The following ARID5B variants were observed in gnomAD, a reference collection of about 807,000 sequenced individuals.
ARID5B encodes AT-rich interaction domain 5B.
In ARID5B, 13 loss-of-function variants were observed where a neutral mutation model predicts 97.2. The observed-to-expected ratio is 0.13, with a 90% confidence interval of 0.09 to 0.21. The LOEUF (loss-of-function observed/expected upper bound fraction) is 0.21. Among genes scored for constraint, ARID5B ranks in the 10% least tolerant of loss-of-function variants. The probability of loss-of-function intolerance (pLI) is 1.00; values close to 1 mark genes in which losing one functional copy is unlikely to be tolerated. For missense variants in ARID5B, 1,210 were observed against 1,465.3 expected, an observed-to-expected ratio of 0.83 and a Z score of 2.84; for synonymous variants, 556 against 570.3, an observed-to-expected ratio of 0.97 and a Z score of 0.36.
intron 2 of ARID5B, among the ~76,000 whole-genome samples, chr10:61,909,939 G>A (rs1843774810): frequency 6.6e-6 from 1 of 152,208 alleles, no homozygotes; most frequent in South Asian, 2.1e-4. Context: ...TCCAGTCTCA[G>A]CAGTCAACCC....
intron 4 of ARID5B, among the ~76,000 whole-genome samples, chr10:62,040,299 G>C (rs1839619137): frequency 1.3e-5 from 2 of 151,960 alleles, no homozygotes; most frequent in South Asian, 2.1e-4. Flanking sequence ...ACAGAAGGGA[G>C]ACCTCAGCTT....
chr10:61,984,894 C>A (rs1294413859), intron 3 of ARID5B, among the ~76,000 whole-genome samples: 3 of 152,130 alleles, frequency 2.0e-5, no homozygotes. Flanking sequence ...ACACATTGGG[C>A]CCAGATCTAT....
intron 4 of ARID5B, among the ~76,000 whole-genome samples, chr10:62,024,294 G>A (rs1331921540): frequency 5.3e-5 from 8 of 152,098 alleles, no homozygotes; most frequent in Admixed American, 3.3e-4. Flanking sequence ...TACACACAAA[G>A]AGAAATATAG....
At position 62,096,631 on chromosome 10, in the gene ARID5B, C is replaced by A. The variant is rs1364227315; in HGVS notation, c.*3601C>A. 1.3e-5 allele frequency: 3 copies of A among 233,336 alleles called. No individual in the cohort carries two copies. Among genetic ancestry groups the A allele is most frequent in the Non-Finnish European group, 8.5e-6 (1 of 117,946 alleles). 14.5% of individuals were successfully genotyped at this position (233,336 alleles called of 1,614,324 possible). On this transcript the variant is annotated 3_prime_UTR_variant, in exon 10 of 10. Transcript: ENST00000279873. ...TTTCCTGTGTTGTAAATATTGTATA[C>A]TTTTGGTGATTCCAGCTATGTAACC... is the stretch of plus-strand genomic sequence containing the variant.
chr10:62,007,309 C>G (rs1839158833), intron 4 of ARID5B, among the ~76,000 whole-genome samples: 1 of 152,144 alleles, frequency 6.6e-6, no homozygotes, highest in Admixed American at 6.5e-5. Context: ...ATGCTTAGAG[C>G]CTATTACAGT....
intron 3 of ARID5B, among the ~76,000 whole-genome samples, chr10:61,944,221 G>A (rs1179227282): frequency 2.0e-5 from 3 of 152,056 alleles, no homozygotes; most frequent in African/African-American, 7.2e-5. Flanking sequence ...AAATAGGAGG[G>A]TTAAGGAATG....
chr10:62,024,729 G>A, intron 4 of ARID5B: 1 of 396,176 alleles, frequency 2.5e-6, no homozygotes, highest in Non-Finnish European at 4.5e-6. Context: ...CCAAACCAAT[G>A]AACTGAAGAA....
At chr10:62,065,387 C>G (rs977987946) in intron 7 of ARID5B, among the ~76,000 whole-genome samples, 1 of 152,194 alleles carries the variant, frequency 6.6e-6, no homozygotes, top group Non-Finnish European at 1.5e-5. Context: ...TACCCTCCCT[C>G]CCTTCCTTCC....
intron 4 of ARID5B, among the ~76,000 whole-genome samples, chr10:62,014,444 TA>T (rs1255835202): frequency 6.6e-6 from 1 of 151,984 alleles, no homozygotes; most frequent in African/African-American, 2.4e-5. Context: ...CGGCTGAAGG[TA>T]GGGGGTATGT....
intron 4 of ARID5B, among the ~76,000 whole-genome samples, chr10:62,005,067 A>G (rs1304212593): frequency 1.3e-5 from 2 of 152,182 alleles, no homozygotes; most frequent in Non-Finnish European, 2.9e-5. Flanking sequence ...GGCAATTGGG[A>G]TGTGTGTTGG....
In ARID5B at chr10:62,093,285, C is replaced by T; in HGVS notation, c.*255C>T. The T allele has an allele frequency of 4.9e-6, 2 of 409,352 alleles. No individual in the cohort carries two copies. The highest frequency in any genetic ancestry group is 6.7e-5 in the South Asian group (1 of 15,036). The allele number at this position is 409,352 out of a possible 1,614,324, so 25.4% of individuals were successfully genotyped here. A position where few individuals can be genotyped will look rare whatever the true frequency, so the allele number is the denominator to read the frequency against. On this transcript the variant is annotated 3_prime_UTR_variant, in exon 10 of 10. Coordinates refer to ENST00000279873, the MANE Select transcript of ARID5B (RefSeq NM_032199.3). ...CCAGGCACCTCCAGATCATTCACTTCGCACGTGGGCCTTGTGAAGGGATTT... is the reference window on the plus strand; with the variant it reads ...CCAGGCACCTCCAGATCATTCACTTTGCACGTGGGCCTTGTGAAGGGATTT...
At chr10:62,034,650 G>A (rs1839538901) in intron 4 of ARID5B, among the ~76,000 whole-genome samples, 1 of 152,158 alleles carries the variant, frequency 6.6e-6, no homozygotes, top group South Asian at 2.1e-4. Context: ...CCTTGTTTTT[G>A]TGGCAGGGGA....
chr10:61,909,757 A>T (rs1181905893), intron 2 of ARID5B, among the ~76,000 whole-genome samples: 1 of 152,202 alleles, frequency 6.6e-6, no homozygotes, highest in Non-Finnish European at 1.5e-5. Flanking sequence ...TGTGGGCCAG[A>T]TCCACGACCC....
chr10:61,963,198 G>A (rs1838496719), intron 3 of ARID5B, among the ~76,000 whole-genome samples: 1 of 152,052 alleles, frequency 6.6e-6, no homozygotes, highest in Admixed American at 6.6e-5. Flanking sequence ...CTCTTTTTTA[G>A]TTCCCTAATT....
intron 3 of ARID5B, among the ~76,000 whole-genome samples, chr10:61,976,096 A>G (rs1215110457): frequency 6.6e-6 from 1 of 152,172 alleles, no homozygotes; most frequent in Non-Finnish European, 1.5e-5. Context: ...ATAAATGTCC[A>G]TGCCTTCAGG....
At chr10:61,986,824 G>A (rs1020286047) in intron 3 of ARID5B, among the ~76,000 whole-genome samples, 1 of 152,110 alleles carries the variant, frequency 6.6e-6, no homozygotes, top group Non-Finnish European at 1.5e-5. Context: ...CCTACGGGGC[G>A]TTCACTGTGT....
At chr10:61,951,326 T>C (rs576479952) in intron 3 of ARID5B, among the ~76,000 whole-genome samples, 175 of 152,340 alleles carry the variant, frequency 1.1e-3, no homozygotes, top group African/African-American at 4.1e-3. Flanking sequence ...TTTCATTTGG[T>C]GTGCTTGGAT....
chr10:61,959,567 C>A (rs1838441225), intron 3 of ARID5B, among the ~76,000 whole-genome samples: 1 of 152,070 alleles, frequency 6.6e-6, no homozygotes, highest in South Asian at 2.1e-4. Flanking sequence ...GGAGATGCTA[C>A]CCCCTGCCAA....
intron 4 of ARID5B, among the ~76,000 whole-genome samples, chr10:62,002,622 T>A (rs1199164250): frequency 5.3e-5 from 8 of 152,218 alleles, no homozygotes. Flanking sequence ...CCCTTTTAAA[T>A]CTCCAACTGG....
Sources: gnomAD v4.1 joint callset for allele counts (sites outside exome capture counted in the v4.1 genomes callset) on GRCh38, gnomAD v4.1.1 for gene constraint, MANE v1.5 for transcripts, NCBI Gene and HGNC (gene_info 2026-07-23, HGNC 2026-07-21) for gene names.